DIP2A: variants seen among roughly 807,000 people sequenced by gnomAD.
The protein encoded by DIP2A is DIP2 acetate--CoA ligase A, also known as disco-interacting protein 2 homolog A.
Under a neutral mutation model 177.4 loss-of-function variants are expected in DIP2A, and 85 were observed. That is an observed-to-expected ratio of 0.48 (90% confidence interval 0.40 to 0.57). The LOEUF is 0.57. Ranked by LOEUF, DIP2A falls within the 20% of genes least tolerant of loss-of-function variation. The probability of loss-of-function intolerance (pLI) is 0.00; values close to 1 mark genes in which losing one functional copy is unlikely to be tolerated. For synonymous variants in DIP2A, 886 were observed against 881.8 expected (o/e 1.00, Z -0.08); for missense variants, 1,791 against 2,100.2 (o/e 0.85, Z 2.88).
chr21:46,554,089 C>G, intron 25 of DIP2A, 80 bp from the exon 26 acceptor site: 70 of 1,453,702 alleles, frequency 4.8e-5, no homozygotes, highest in East Asian at 1.6e-4. Context: ...CAGTGGCGTG[C>G]AGGTGGTGTG....
downstream of DIP2A, among the ~76,000 whole-genome samples, chr21:46,574,831 GGCTTCATTGGTGAATTCTACCAAACATTT>G (rs2060982684): frequency 6.6e-6 from 1 of 152,086 alleles, no homozygotes; most frequent in Non-Finnish European, 1.5e-5. Context: ...AAAACCTGAT[GGCTTCATTGGTGAATTCTACCAAACATTT>G]AAATAACTAA....
intron 8 of DIP2A, among the ~76,000 whole-genome samples, chr21:46,524,253 C>T (rs987228789): frequency 6.6e-6 from 1 of 152,184 alleles, no homozygotes; most frequent in African/African-American, 2.4e-5. Flanking sequence ...AAGGGGGACC[C>T]TCTAACCCCT....
intron 13 of DIP2A, among the ~76,000 whole-genome samples, chr21:46,535,381 C>T (rs757963506): frequency 1.3e-5 from 2 of 152,114 alleles, no homozygotes; most frequent in Non-Finnish European, 1.5e-5. Flanking sequence ...TAGAATTGAA[C>T]AAAACTACTG....
chr21:46,471,423 G>A (rs935112725), intron 1 of DIP2A, among the ~76,000 whole-genome samples: 1 of 152,104 alleles, frequency 6.6e-6, no homozygotes, highest in Non-Finnish European at 1.5e-5. Flanking sequence ...ACCCTTATAC[G>A]TGTACAGCCT....
intron 6 of DIP2A, among the ~76,000 whole-genome samples, chr21:46,508,902 T>C (rs11089074): frequency 0.67 from 101,863 of 151,050 alleles, 34,449 homozygotes; most frequent in East Asian, 0.78. Flanking sequence ...GCCTGTAGAC[T>C]CAGCTACTTG....
chr21:46,461,962 C>T (rs374527244), intron 1 of DIP2A, among the ~76,000 whole-genome samples: 35 of 151,794 alleles, frequency 2.3e-4, no homozygotes, highest in African/African-American at 8.2e-4. Flanking sequence ...CTTGAGGGGC[C>T]GAGGTGGGAG....
In DIP2A at chr21:46,504,425, A is replaced by G; in HGVS notation, c.720A>G (p.Pro240=). ...GLVEHSYFER[P]QVASVRSVPR... is the part of the protein sequence containing the mutation. ...TGGAGCATTCGTACTTTGAGCGTCC[A>G]CAGGTGGCTTCTGTGAGAAGTGTTC... Residue 240 remains proline (P), a synonymous_variant, in exon 6 of 38, where the codon CCA becomes CCG. Coordinates refer to ENST00000417564, the MANE Select transcript of DIP2A (RefSeq NM_015151.4). The G allele has an allele frequency of 6.2e-7, 1 of 1,613,908 alleles. No individual in the cohort carries two copies. Among genetic ancestry groups the G allele is most frequent in the East Asian group, 2.2e-5 (1 of 44,888 alleles).
At chr21:46,532,581 G>A (rs187567805) in intron 10 of DIP2A, among the ~76,000 whole-genome samples, 10 of 152,106 alleles carry the variant, frequency 6.6e-5, no homozygotes, top group Admixed American at 5.9e-4. Context: ...ATAAGATTTT[G>A]TTCAACTTTT....
intron 5 of DIP2A, among the ~76,000 whole-genome samples, chr21:46,503,663 CT>C (rs773365973): frequency 1.8e-4 from 23 of 125,922 alleles, no homozygotes; most frequent in South Asian, 2.5e-4. Context: ...TTCTTTCTTT[CT>C]TTTTCTTTCT....
At chr21:46,525,216 A>G (rs1273151968) in intron 8 of DIP2A, among the ~76,000 whole-genome samples, 2 of 151,756 alleles carry the variant, frequency 1.3e-5, no homozygotes, top group South Asian at 2.1e-4. Context: ...CTCTTTAAGT[A>G]CTGTTTCCCT....
intron 6 of DIP2A, among the ~76,000 whole-genome samples, chr21:46,506,889 C>T (rs1414602930): frequency 4.0e-5 from 6 of 150,374 alleles, no homozygotes; most frequent in Admixed American, 4.0e-4. Context: ...CAACATCCAC[C>T]TCCCAGGTTC....
intron 1 of DIP2A, among the ~76,000 whole-genome samples, chr21:46,483,731 A>G (rs1429645278): frequency 6.6e-6 from 1 of 152,260 alleles, no homozygotes; most frequent in Non-Finnish European, 1.5e-5. Context: ...TCAATAAATG[A>G]CATCAGCCTG....
At chr21:46,503,179 T>C (rs9978195) in intron 5 of DIP2A, among the ~76,000 whole-genome samples, 126,252 of 152,000 alleles carry the variant, frequency 0.83, 52,790 homozygotes, top group African/African-American at 0.92. Context: ...AAAAATTGGC[T>C]GGGTGTGGTG....
intron 13 of DIP2A, among the ~76,000 whole-genome samples, chr21:46,536,485 A>C (rs2059576561): frequency 6.6e-6 from 1 of 152,236 alleles, no homozygotes; most frequent in Non-Finnish European, 1.5e-5. Flanking sequence ...ATGCCGGATC[A>C]CGGCCTCTGG....
At position 46,458,901 on chromosome 21, in the gene DIP2A, G is replaced by C. The variant is rs1044483669; in HGVS notation, c.-231G>C. On this transcript the variant is annotated 5_prime_UTR_variant, in exon 1 of 38. Coordinates refer to ENST00000417564, the MANE Select transcript of DIP2A (RefSeq NM_015151.4). ...CGCGCACGCGCTCCCGTGTAGGGCC[G>C]GCCGGGCGCTCAGGAGCGCGCGGGG... 30 of 225,556 alleles carry C rather than the reference G, an allele frequency of 1.3e-4. 1 individual carries two copies. The Middle Eastern group carries it at 3.9e-3, about 29-fold the overall frequency. 14.0% of individuals were successfully genotyped at this position (225,556 alleles called of 1,614,324 possible). A position where few individuals can be genotyped will look rare whatever the true frequency, so the allele number is the denominator to read the frequency against.
chr21:46,578,328 AAAC>A, the DIP2A span, among the ~76,000 whole-genome samples: 1 of 150,212 alleles, frequency 6.7e-6, no homozygotes, highest in Non-Finnish European at 1.5e-5. Flanking sequence ...AAACAAACAA[AAAC>A]AACGACAACA....
At chr21:46,462,228 G>A (rs753052738) in intron 1 of DIP2A, among the ~76,000 whole-genome samples, 5 of 152,300 alleles carry the variant, frequency 3.3e-5, no homozygotes, top group African/African-American at 7.2e-5. Context: ...CTTCCAGGGC[G>A]CTTCCACAGG....
chr21:46,528,568 T>TTTTTTTTTTA (rs1569043246), intron 8 of DIP2A, among the ~76,000 whole-genome samples: 7 of 90,578 alleles, frequency 7.7e-5, no homozygotes, highest in Admixed American at 1.2e-4. Flanking sequence ...TTTTTTTTTT[T>TTTTTTTTTTA]AGATAATGTC....
intron 11 of DIP2A, 56 bp from the exon 12 acceptor site, chr21:46,533,948 T>C (rs2059453572): frequency 6.9e-7 from 1 of 1,450,882 alleles, no homozygotes; most frequent in African/African-American, 1.4e-5. Flanking sequence ...GCTTCGAGTG[T>C]GGGGAGCAGA....
Sources: gnomAD v4.1 joint callset for allele counts (sites outside exome capture counted in the v4.1 genomes callset) on GRCh38, gnomAD v4.1.1 for gene constraint, MANE v1.5 for transcripts, NCBI Gene and HGNC (gene_info 2026-07-23, HGNC 2026-07-21) for gene names.